THSD7A: variants seen among roughly 807,000 people sequenced by gnomAD.
THSD7A encodes thrombospondin type 1 domain containing 7A, also known as thrombospondin type-1 domain-containing protein 7A.
A neutral mutation model predicts 231.3 loss-of-function variants in THSD7A; 96 were observed. The ratio of observed to expected loss-of-function variants is 0.41; its 90% CI spans 0.35 to 0.49. The LOEUF (loss-of-function observed/expected upper bound fraction) is 0.49. Among genes scored for constraint, THSD7A ranks in the 20% least tolerant of loss-of-function variants. The pLI is 0.05. For synonymous variants in THSD7A, 940 were observed against 743.3 expected, an observed-to-expected ratio of 1.26 and a Z score of -4.30; for missense variants, 2,290 against 2,070.2, an observed-to-expected ratio of 1.11 and a Z score of -2.06.
At chr7:11,673,978 G>T (rs1783527074) in intron 1 of THSD7A, among the ~76,000 whole-genome samples, 1 of 151,936 alleles carries the variant, frequency 6.6e-6, no homozygotes, top group African/African-American at 2.4e-5. Flanking sequence ...CCTGTCCAGG[G>T]ATCTTCGAAC....
intron 4 of THSD7A, among the ~76,000 whole-genome samples, chr7:11,552,383 AC>A (rs1789668552): frequency 6.6e-6 from 1 of 152,110 alleles, no homozygotes; most frequent in Admixed American, 6.6e-5. Flanking sequence ...ACAGGTTAAA[AC>A]ATTGTGCTTT....
intron 1 of THSD7A, among the ~76,000 whole-genome samples, chr7:11,673,276 C>A (rs992275565): frequency 5.9e-5 from 9 of 152,066 alleles, no homozygotes; most frequent in Non-Finnish European, 1.2e-4. Context: ...TACAGGAGTT[C>A]CCATCACCCT....
At chr7:11,728,692 A>C (rs1206208860) in intron 1 of THSD7A, among the ~76,000 whole-genome samples, 1 of 151,924 alleles carries the variant, frequency 6.6e-6, no homozygotes, top group Non-Finnish European at 1.5e-5. Context: ...GTTTGCATTG[A>C]TCAAATCCTA....
chr7:11,476,358 C>CAT (rs1786179703), intron 7 of THSD7A, among the ~76,000 whole-genome samples: 1 of 149,058 alleles, frequency 6.7e-6, no homozygotes, highest in South Asian at 2.1e-4. Context: ...CACACACACA[C>CAT]ACACCATTTT....
intron 1 of THSD7A, among the ~76,000 whole-genome samples, chr7:11,754,886 C>T (rs149323501): frequency 2.6e-4 from 39 of 151,768 alleles, no homozygotes; most frequent in African/African-American, 9.4e-4. Context: ...CAGACACTGA[C>T]ACCAACAACA....
intron 4 of THSD7A, among the ~76,000 whole-genome samples, chr7:11,588,925 T>C (rs796927593): frequency 7.2e-5 from 11 of 152,332 alleles, no homozygotes; most frequent in African/African-American, 2.6e-4. Flanking sequence ...GACTCCTAAA[T>C]GAGTTGACAT....
At chr7:11,776,117 A>G (rs1783398215) in intron 1 of THSD7A, among the ~76,000 whole-genome samples, 1 of 152,198 alleles carries the variant, frequency 6.6e-6, no homozygotes, top group Non-Finnish European at 1.5e-5. Flanking sequence ...GGCCCAAGGG[A>G]GATGCACTTT....
At chr7:11,473,196 A>G (rs1479440060) in intron 8 of THSD7A, among the ~76,000 whole-genome samples, 1 of 152,174 alleles carries the variant, frequency 6.6e-6, no homozygotes, top group Non-Finnish European at 1.5e-5. Flanking sequence ...CCCTGGCCAG[A>G]CACAAACATC....
chr7:11,682,955 T>C (rs1416786026), intron 1 of THSD7A, among the ~76,000 whole-genome samples: 1 of 151,932 alleles, frequency 6.6e-6, no homozygotes, highest in Non-Finnish European at 1.5e-5. Flanking sequence ...AAATCCCATC[T>C]CTACTAAAAA....
chr7:11,788,995 A>C (rs1047448287), intron 1 of THSD7A, among the ~76,000 whole-genome samples: 4 of 151,954 alleles, frequency 2.6e-5, no homozygotes, highest in Non-Finnish European at 5.9e-5. Flanking sequence ...TAATGAGGGA[A>C]TACTAAACCA....
In THSD7A at chr7:11,374,619, C is replaced by CTTCT. The variant is rs571849506; in HGVS notation, c.*1174_*1175insAGAA. 1 of 150,840 alleles carries CTTCT rather than the reference C, an allele frequency of 6.6e-6. No individual in the cohort carries two copies. Among genetic ancestry groups the CTTCT allele is most frequent in the Non-Finnish European group, 1.5e-5 (1 of 67,644 alleles). 9.3% of individuals were successfully genotyped at this position (150,840 alleles called of 1,614,324 possible). ...TCAAAATTAAAAAGACATCCAGTTC[C>CTTCT]TTTTTCTTTTTTTTTCTTAACAAAG... On this transcript the variant is annotated 3_prime_UTR_variant, in exon 28 of 28. Transcript: ENST00000423059.
chr7:11,430,813 T>C (rs1189066924), intron 13 of THSD7A, among the ~76,000 whole-genome samples: 5 of 152,236 alleles, frequency 3.3e-5, no homozygotes, highest in African/African-American at 1.2e-4. Context: ...ATTTATGTTA[T>C]AGCATGTATC....
At chr7:11,518,259 C>T (rs1044187234) in intron 6 of THSD7A, among the ~76,000 whole-genome samples, 1 of 152,058 alleles carries the variant, frequency 6.6e-6, no homozygotes, top group Non-Finnish European at 1.5e-5. Flanking sequence ...ACCAGAGATG[C>T]TACAATAGGA....
intron 4 of THSD7A, among the ~76,000 whole-genome samples, chr7:11,552,497 A>T (rs566923484): frequency 6.2e-4 from 95 of 152,268 alleles, no homozygotes; most frequent in Non-Finnish European, 1.1e-3. Flanking sequence ...AGCTACAAAA[A>T]GGGAAATGTG....
At chr7:11,586,271 T>G (rs1049200226) in intron 4 of THSD7A, among the ~76,000 whole-genome samples, 2 of 152,334 alleles carry the variant, frequency 1.3e-5, no homozygotes, top group East Asian at 3.9e-4. Flanking sequence ...TCCTGTGATT[T>G]ACATCTACAT....
intron 1 of THSD7A, among the ~76,000 whole-genome samples, chr7:11,742,560 C>T (rs1782149890): frequency 6.6e-6 from 1 of 151,806 alleles, no homozygotes; most frequent in African/African-American, 2.4e-5. Flanking sequence ...TGATGAAGTG[C>T]TCAGATGCAT....
intron 17 of THSD7A, among the ~76,000 whole-genome samples, chr7:11,417,197 G>T (rs1783989648): frequency 6.6e-6 from 1 of 152,164 alleles, no homozygotes; most frequent in South Asian, 2.1e-4. Context: ...AAGGCCTTTT[G>T]TGCTGGATTA....
chr7:11,497,598 T>G lies in THSD7A; in HGVS notation c.1823-15616A>C, dbSNP rs570506252. On this transcript the variant is annotated intron_variant, in intron 6 of 27. Transcript: ENST00000423059. ...GGAGTATAATGTACTCTCAATAATC[T>G]TTAATACATAATAGAACTTTCCACT... 3.9e-4 allele frequency among the ~76,000 whole-genome samples: 60 copies of G among 152,304 alleles called. 1 individual carries two copies. The South Asian group carries it at 0.012, about 32-fold the overall frequency.
Position 11,474,251 on chromosome 7 carries a change from C to G in THSD7A, c.2252+83G>C. 1 of 1,175,006 alleles carries G rather than the reference C, an allele frequency of 8.5e-7. No individual in the cohort carries two copies. The highest frequency in any genetic ancestry group is 1.2e-6 in the Non-Finnish European group (1 of 832,022). The allele number at this position is 1,175,006 out of a possible 1,614,324, so 72.8% of individuals were successfully genotyped here. ...AGGTATGACAAGCATCAAAATGTTC[C>G]ATTTCATGAAGCCAGTGAAGCCTGA... On this transcript the variant is annotated intron_variant, in intron 8 of 27. Transcript: ENST00000423059. This position sits in a 1 kb window ranked among gnomAD's most constrained non-coding sequence, Gnocchi z 4.1.
Sources: gnomAD v4.1 joint callset for allele counts (sites outside exome capture counted in the v4.1 genomes callset) on GRCh38, gnomAD v4.1.1 for gene constraint, Gnocchi (gnomAD v3.1) non-coding constraint, MANE v1.5 for transcripts, NCBI Gene and HGNC (gene_info 2026-07-23, HGNC 2026-07-21) for gene names.